Variants in EPS15 observed in about 807,000 individuals in gnomAD.
The protein encoded by EPS15 is epidermal growth factor receptor substrate 15.
Under a neutral mutation model 113.8 loss-of-function variants are expected in EPS15, and 72 were observed. That is an observed-to-expected ratio of 0.63 (90% CI 0.52 to 0.77). EPS15 has a LOEUF of 0.77. Ranked by LOEUF, EPS15 falls within the 30% of genes least tolerant of loss-of-function variation. The pLI, the probability that EPS15 is intolerant of heterozygous loss-of-function variation, is 0.00. For synonymous variants in EPS15, 344 were observed against 363.4 expected (o/e 0.95, Z 0.61); for missense variants, 1,048 against 1,045.8 (o/e 1.00, Z -0.03).
At chr1:51,424,025 C>G (rs1469481495) in intron 12 of EPS15, among the ~76,000 whole-genome samples, 1 of 152,086 alleles carries the variant, frequency 6.6e-6, no homozygotes, top group East Asian at 1.9e-4. Flanking sequence ...GATCTTTAGG[C>G]ATTAATTCCT....
intron 12 of EPS15, among the ~76,000 whole-genome samples, chr1:51,425,304 T>C (rs142445504): frequency 4.1e-4 from 63 of 152,334 alleles, no homozygotes; most frequent in African/African-American, 1.5e-3. Flanking sequence ...ACAGTTAGGC[T>C]GAGGGACCTT....
intron 1 of EPS15, among the ~76,000 whole-genome samples, chr1:51,508,377 A>AAAGAAAGG (rs1220090455): frequency 2.6e-5 from 4 of 151,504 alleles, no homozygotes; most frequent in East Asian, 1.9e-4. Flanking sequence ...AGAAAGAAAG[A>AAAGAAAGG]AAGAAAGAGA....
At chr1:51,426,837 C>CTCTCTCTATATATATATA (rs377211027) in intron 12 of EPS15, among the ~76,000 whole-genome samples, 3 of 143,568 alleles carry the variant, frequency 2.1e-5, no homozygotes, top group African/African-American at 7.9e-5. Flanking sequence ...CTCTCTCTCT[C>CTCTCTCTATATATATATA]TATATATATA....
chr1:51,442,162 G>C (rs986173205), intron 11 of EPS15, among the ~76,000 whole-genome samples: 6 of 152,080 alleles, frequency 3.9e-5, no homozygotes, highest in Non-Finnish European at 7.4e-5. Flanking sequence ...GTGGATTTCT[G>C]AATGTGACAA....
intron 24 of EPS15, among the ~76,000 whole-genome samples, chr1:51,357,462 A>C (rs187471000): frequency 0.014 from 1,781 of 124,134 alleles, 62 homozygotes; most frequent in African/African-American, 0.056. Flanking sequence ...ATATATATAT[A>C]TCTCACTAAA....
chr1:51,371,779 G>A (rs1179750204), intron 21 of EPS15, among the ~76,000 whole-genome samples: 1 of 152,124 alleles, frequency 6.6e-6, no homozygotes, highest in Non-Finnish European at 1.5e-5. Context: ...GATGTCTTGG[G>A]CCTTCACATT....
At chr1:51,466,342 C>T (rs1198466309) in intron 5 of EPS15, among the ~76,000 whole-genome samples, 1 of 151,548 alleles carries the variant, frequency 6.6e-6, no homozygotes, top group Non-Finnish European at 1.5e-5. Flanking sequence ...TGAATCTAGG[C>T]TAGGTGTGGT....
At chr1:51,406,992 G>A (rs570590525) in intron 15 of EPS15, among the ~76,000 whole-genome samples, 1 of 152,058 alleles carries the variant, frequency 6.6e-6, no homozygotes, top group Admixed American at 6.6e-5. Flanking sequence ...GATAACAGGG[G>A]GTAAGGAAGC....
chr1:51,392,083 G>A (rs1350296144), intron 21 of EPS15, among the ~76,000 whole-genome samples: 4 of 152,018 alleles, frequency 2.6e-5, no homozygotes. Flanking sequence ...ACTAAGACTT[G>A]GGACAACACA....
At chr1:51,500,984 CAAAAAAAAAAAATA>C (rs111515763) in intron 1 of EPS15, among the ~76,000 whole-genome samples, 4,553 of 130,884 alleles carry the variant, frequency 0.035, 74 homozygotes, top group African/African-American at 0.059. Flanking sequence ...AACTCCATCT[CAAAAAAAAAAAATA>C]AAGAAAGAAA....
intron 10 of EPS15, among the ~76,000 whole-genome samples, chr1:51,446,222 C>T (rs554842246): frequency 6.6e-6 from 1 of 152,262 alleles, no homozygotes; most frequent in Admixed American, 6.5e-5. Flanking sequence ...CTGTGAAATT[C>T]ATTAAAGACA....
intron 7 of EPS15, among the ~76,000 whole-genome samples, chr1:51,462,859 A>G (rs1319059662): frequency 1.3e-5 from 2 of 151,216 alleles, no homozygotes; most frequent in Non-Finnish European, 2.9e-5. Context: ...GAGGAAAAGT[A>G]AAAAAGTCAG....
rs568146672 is a variant in EPS15 at position 51,401,879 on chromosome 1, C to T, written c.1882+556G>A. ...TTAGGCCAGACGCGGTGGCTCACGC[C>T]TGTAATCCCAGCACTTTGGGAGGCC... On this transcript the variant is annotated intron_variant, in intron 18 of 24. Transcript: ENST00000371733. Among the ~76,000 whole-genome samples, 95 of 152,324 alleles carry T rather than the reference C, an allele frequency of 6.2e-4. 1 individual carries two copies. Among genetic ancestry groups the T allele is most frequent in the African/African-American group, 2.1e-3 (86 of 41,582 alleles).
chr1:51,391,805 G>T (rs1263036956), intron 21 of EPS15, among the ~76,000 whole-genome samples: 1 of 152,178 alleles, frequency 6.6e-6, no homozygotes, highest in Non-Finnish European at 1.5e-5. Context: ...TTTAGGCCTG[G>T]ACAACATTAA....
chr1:51,517,252 A>G (rs1446803119), intron 1 of EPS15, among the ~76,000 whole-genome samples: 1 of 152,230 alleles, frequency 6.6e-6, no homozygotes, highest in Non-Finnish European at 1.5e-5. Flanking sequence ...ATAAAAATTA[A>G]CCACCAATGT....
chr1:51,399,389 A>G (rs1444399163), intron 19 of EPS15, among the ~76,000 whole-genome samples: 7 of 151,888 alleles, frequency 4.6e-5, no homozygotes, highest in East Asian at 3.9e-4. Context: ...CCTCTCTACT[A>G]AAAAACACAA....
At chr1:51,516,816 C>T (rs1644727365) in intron 1 of EPS15, among the ~76,000 whole-genome samples, 1 of 152,192 alleles carries the variant, frequency 6.6e-6, no homozygotes, top group South Asian at 2.1e-4. Context: ...GTTATAGAAC[C>T]CTTTAGAGCT....
At chr1:51,425,802 A>C (rs1038814587) in intron 12 of EPS15, among the ~76,000 whole-genome samples, 3 of 152,220 alleles carry the variant, frequency 2.0e-5, no homozygotes, top group Non-Finnish European at 4.4e-5. Flanking sequence ...TGCAAGGCAA[A>C]ATATGTAAGA....
At chr1:51,369,576 C>T (rs1646596675) in intron 21 of EPS15, among the ~76,000 whole-genome samples, 1 of 152,172 alleles carries the variant, frequency 6.6e-6, no homozygotes, top group Non-Finnish European at 1.5e-5. Context: ...CTAAATCTCA[C>T]TATCAGAAAT....
Sources: gnomAD v4.1 joint callset for allele counts (sites outside exome capture counted in the v4.1 genomes callset) on GRCh38, gnomAD v4.1.1 for gene constraint, MANE v1.5 for transcripts, NCBI Gene and HGNC (gene_info 2026-07-23, HGNC 2026-07-21) for gene names.